GADL1: variants seen among roughly 807,000 people sequenced by gnomAD.
GADL1 encodes GAD like acidic amino acid decarboxylase 1, also known as acidic amino acid decarboxylase GADL1.
GADL1 carries 71 observed loss-of-function variants against 69.5 expected under a neutral mutation model. The observed-to-expected ratio is 1.02, with a 90% confidence interval of 0.84 to 1.25. The LOEUF is 1.25. Ranked by LOEUF, GADL1 falls within the 50% of genes most tolerant of loss-of-function variation. The probability of loss-of-function intolerance (pLI) is 0.00; values close to 1 mark genes in which losing one functional copy is unlikely to be tolerated. For missense variants in GADL1, 737 were observed against 631.8 expected, an observed-to-expected ratio of 1.17 and a Z score of -1.79; for synonymous variants, 254 against 214.4, an observed-to-expected ratio of 1.18 and a Z score of -1.62.
At chr3:30,793,633 A>G (rs959693121) in intron 12 of GADL1, among the ~76,000 whole-genome samples, 20 of 152,208 alleles carry the variant, frequency 1.3e-4, no homozygotes, top group African/African-American at 4.6e-4. Flanking sequence ...TGATCTTGGC[A>G]TATGCATTAA....
At chr3:30,813,228 T>C (rs1157685342) in intron 11 of GADL1, among the ~76,000 whole-genome samples, 1 of 152,192 alleles carries the variant, frequency 6.6e-6, no homozygotes, top group Non-Finnish European at 1.5e-5. Flanking sequence ...ATCTGCAAAT[T>C]GAGGATAATA....
intron 1 of GADL1, among the ~76,000 whole-genome samples, chr3:30,865,878 A>G (rs1217823620): frequency 6.6e-6 from 1 of 152,032 alleles, no homozygotes; most frequent in African/African-American, 2.4e-5. Context: ...AAGCCAGTCA[A>G]TTCCTAAAGA....
intron 2 of GADL1, 113 bp downstream of exon 2, chr3:30,861,480 G>C (rs1247658215): frequency 1.4e-6 from 1 of 706,610 alleles, no homozygotes; most frequent in East Asian, 2.7e-5. Flanking sequence ...TGAGACAAAG[G>C]CATAGAAGAA....
Position 30,726,965 on chromosome 3 carries a change from T to G in GADL1, c.*1277A>C, listed in dbSNP as rs913120756. On this transcript the variant is annotated 3_prime_UTR_variant, in exon 15 of 15. Transcript: ENST00000282538. The stretch of plus-strand genomic sequence containing the variant: ...ATAATCTATACTGACATTTCAAAGC[T>G]TAGGAAAGGGAATGTTGTACAACCC... The G allele has an allele frequency of 5.9e-5, 9 of 152,562 alleles. No individual in the cohort carries two copies. The highest frequency in any genetic ancestry group is 8.8e-5 in the Non-Finnish European group (6 of 67,974). 9.5% of individuals were successfully genotyped at this position (152,562 alleles called of 1,614,324 possible).
intron 11 of GADL1, among the ~76,000 whole-genome samples, chr3:30,823,010 A>T (rs115029322): frequency 0.015 from 2,242 of 152,134 alleles, 54 homozygotes; most frequent in African/African-American, 0.051. Flanking sequence ...AACGTGGCAC[A>T]TATCAATTCT....
chr3:30,776,745 G>A (rs1163113464), intron 14 of GADL1, among the ~76,000 whole-genome samples: 2 of 152,112 alleles, frequency 1.3e-5, no homozygotes, highest in African/African-American at 4.8e-5. Context: ...AGTTAGACTG[G>A]GGCAAAAATC....
At chr3:30,826,915 A>C (rs915041136) in intron 11 of GADL1, among the ~76,000 whole-genome samples, 1 of 151,898 alleles carries the variant, frequency 6.6e-6, no homozygotes, top group South Asian at 2.1e-4. Flanking sequence ...CCCAGAGTCA[A>C]GATTTTTAAA....
chr3:30,795,784 T>C (rs1364652180), intron 12 of GADL1, among the ~76,000 whole-genome samples: 1 of 152,178 alleles, frequency 6.6e-6, no homozygotes, highest in Non-Finnish European at 1.5e-5. Context: ...TCTGCCCTTT[T>C]CCTTGGCATT....
At chr3:30,815,850 C>G (rs535940569) in intron 11 of GADL1, among the ~76,000 whole-genome samples, 25 of 152,258 alleles carry the variant, frequency 1.6e-4, no homozygotes, top group African/African-American at 5.5e-4. Flanking sequence ...GTTTTAGGCA[C>G]ACATAAGCTG....
intron 11 of GADL1, among the ~76,000 whole-genome samples, chr3:30,808,526 A>T (rs1697297345): frequency 1.3e-5 from 2 of 151,730 alleles, no homozygotes; most frequent in Non-Finnish European, 2.9e-5. Context: ...GATATCATTC[A>T]AATGTGAGAT....
At chr3:30,751,271 G>T (rs1302785044) in intron 14 of GADL1, among the ~76,000 whole-genome samples, 1 of 152,060 alleles carries the variant, frequency 6.6e-6, no homozygotes, top group South Asian at 2.1e-4. Context: ...TAAAGGGCAC[G>T]TGGGGGGTGT....
At chr3:30,757,552 T>C (rs1280807107) in intron 14 of GADL1, among the ~76,000 whole-genome samples, 3 of 152,218 alleles carry the variant, frequency 2.0e-5, no homozygotes, top group Non-Finnish European at 4.4e-5. Flanking sequence ...TTAGTAAATA[T>C]TGAGGATGAT....
At chr3:30,752,452 G>A (rs771594154) in intron 14 of GADL1, among the ~76,000 whole-genome samples, 7 of 151,574 alleles carry the variant, frequency 4.6e-5, no homozygotes, top group Non-Finnish European at 1.5e-5. Context: ...GCCAGTCTCT[G>A]CTTTTAGATA....
At chr3:30,892,769 T>C (rs1254277846) in intron 1 of GADL1, among the ~76,000 whole-genome samples, 1 of 152,246 alleles carries the variant, frequency 6.6e-6, no homozygotes, top group Non-Finnish European at 1.5e-5. Flanking sequence ...TAACCATCCT[T>C]CCTTCACATA....
chr3:30,763,347 CAA>C (rs1202995822), intron 14 of GADL1, among the ~76,000 whole-genome samples: 1 of 151,836 alleles, frequency 6.6e-6, no homozygotes, highest in Non-Finnish European at 1.5e-5. Flanking sequence ...AAAAATAACA[CAA>C]AAAATTAACC....
intron 12 of GADL1, among the ~76,000 whole-genome samples, chr3:30,788,102 T>C (rs1696835519): frequency 6.6e-6 from 1 of 152,208 alleles, no homozygotes; most frequent in Non-Finnish European, 1.5e-5. Flanking sequence ...TGAACACTTT[T>C]TCAGAAGACA....
At chr3:30,752,468 CTG>C (rs1575184523) in intron 14 of GADL1, among the ~76,000 whole-genome samples, 1 of 152,164 alleles carries the variant, frequency 6.6e-6, no homozygotes, top group Admixed American at 6.5e-5. Flanking sequence ...AGATAATGCT[CTG>C]TATCTAGTTA....
At chr3:30,761,887 G>A (rs994815187) in intron 14 of GADL1, among the ~76,000 whole-genome samples, 1 of 152,080 alleles carries the variant, frequency 6.6e-6, no homozygotes, top group South Asian at 2.1e-4. Context: ...GCATTTCACA[G>A]GATATATAAT....
At chr3:30,872,483 G>T (rs1392426335) in intron 1 of GADL1, among the ~76,000 whole-genome samples, 1 of 151,818 alleles carries the variant, frequency 6.6e-6, no homozygotes, top group Non-Finnish European at 1.5e-5. Context: ...TTGCTTTAAT[G>T]GTAACTTCTG....
Sources: gnomAD v4.1 joint callset for allele counts (sites outside exome capture counted in the v4.1 genomes callset) on GRCh38, gnomAD v4.1.1 for gene constraint, MANE v1.5 for transcripts, NCBI Gene and HGNC (gene_info 2026-07-23, HGNC 2026-07-21) for gene names.